The following JMJD1C variants were observed in gnomAD, a reference collection of about 807,000 sequenced individuals.
JMJD1C encodes jumonji domain containing 1C.
A neutral mutation model predicts 245.3 loss-of-function variants in JMJD1C; 31 were observed. The observed-to-expected ratio is 0.13, with a 90% CI of 0.09 to 0.17. The LOEUF is 0.17. Among genes scored for constraint, JMJD1C ranks in the 10% least tolerant of loss-of-function variants. The pLI, the probability that JMJD1C is intolerant of heterozygous loss-of-function variation, is 1.00. For synonymous variants in JMJD1C, 1,057 were observed against 1,017.4 expected (o/e 1.04, Z -0.74); for missense variants, 2,691 against 3,000.2 (o/e 0.90, Z 2.41).
At chr10:63,277,069 G>A (rs1856856737) in intron 2 of JMJD1C, among the ~76,000 whole-genome samples, 1 of 151,410 alleles carries the variant, frequency 6.6e-6, no homozygotes, top group South Asian at 2.1e-4. Flanking sequence ...TTTTAGTAGA[G>A]ACAGGGTTTC....
chr10:63,380,917 G>A (rs891366452), intron 1 of JMJD1C, among the ~76,000 whole-genome samples: 5 of 152,084 alleles, frequency 3.3e-5, no homozygotes, highest in Non-Finnish European at 7.4e-5. Flanking sequence ...CCCACTGCTG[G>A]GTAAATGTCC....
At chr10:63,313,560 C>T (rs1446867215) in intron 2 of JMJD1C, among the ~76,000 whole-genome samples, 2 of 152,196 alleles carry the variant, frequency 1.3e-5, no homozygotes, top group African/African-American at 2.4e-5. Flanking sequence ...TTCCCACCAG[C>T]GGTGTAAGAA....
chr10:63,349,465 A>T (rs772453650), intron 2 of JMJD1C, among the ~76,000 whole-genome samples: 28 of 152,246 alleles, frequency 1.8e-4, no homozygotes, highest in South Asian at 6.2e-4. Flanking sequence ...AGAAAGTAAA[A>T]AATATAAATA....
At chr10:63,211,464 C>CAA (rs71025124) in intron 8 of JMJD1C, among the ~76,000 whole-genome samples, 1 of 103,414 alleles carries the variant, frequency 9.7e-6, no homozygotes, top group South Asian at 3.2e-4. Flanking sequence ...GACTCCATCT[C>CAA]AAAAAAAAAA....
At chr10:63,324,849 C>A (rs1257872460) in intron 2 of JMJD1C, among the ~76,000 whole-genome samples, 1 of 152,136 alleles carries the variant, frequency 6.6e-6, no homozygotes, top group Non-Finnish European at 1.5e-5. Context: ...ATAGAAAAGA[C>A]AGAACTTGAA....
At chr10:63,265,600 T>C (rs1208803034) in intron 2 of JMJD1C, among the ~76,000 whole-genome samples, 1 of 152,162 alleles carries the variant, frequency 6.6e-6, no homozygotes, top group Non-Finnish European at 1.5e-5. Flanking sequence ...TTAAATAAAA[T>C]ACAAGTGTCT....
At chr10:63,195,716 C>G (rs934992584) in intron 13 of JMJD1C, among the ~76,000 whole-genome samples, 1 of 149,930 alleles carries the variant, frequency 6.7e-6, no homozygotes, top group East Asian at 2.0e-4. Context: ...TGAGGTGGGC[C>G]GATCACGAGG....
At chr10:63,393,754 T>G (rs540987439) in intron 1 of JMJD1C, among the ~76,000 whole-genome samples, 6 of 152,176 alleles carry the variant, frequency 3.9e-5, no homozygotes, top group Non-Finnish European at 5.9e-5. Context: ...AATGTGGAAT[T>G]TATATACAAA....
intron 1 of JMJD1C, among the ~76,000 whole-genome samples, chr10:63,413,667 T>C (rs1343912489): frequency 6.6e-6 from 1 of 152,212 alleles, no homozygotes; most frequent in Non-Finnish European, 1.5e-5. Context: ...AAAAGTATTT[T>C]TTTCCTTGAT....
At chr10:63,177,375 C>A in intron 23 of JMJD1C, 1 of 265,000 alleles carries the variant, frequency 3.8e-6, no homozygotes, top group Non-Finnish European at 7.2e-6. Context: ...CTTCTTTAGA[C>A]GTTTCCATGA....
intron 3 of JMJD1C, among the ~76,000 whole-genome samples, chr10:63,240,211 G>C (rs1035140890): frequency 1.3e-5 from 2 of 152,060 alleles, no homozygotes; most frequent in African/African-American, 4.8e-5. Context: ...GTGGAAATGT[G>C]ACACGGCTTA....
intron 1 of JMJD1C, among the ~76,000 whole-genome samples, chr10:63,439,029 C>T (rs541784093): frequency 6.6e-6 from 1 of 152,290 alleles, no homozygotes; most frequent in South Asian, 2.1e-4. Context: ...CTGATATGTA[C>T]AAGGCATGCA....
At chr10:63,295,877 C>CTA (rs1022887528) in intron 2 of JMJD1C, among the ~76,000 whole-genome samples, 1 of 149,024 alleles carries the variant, frequency 6.7e-6, no homozygotes, top group Non-Finnish European at 1.5e-5. Context: ...CTTAACCACA[C>CTA]TATATATATG....
chr10:63,381,156 T>C (rs867883187), intron 1 of JMJD1C, among the ~76,000 whole-genome samples: 1 of 152,184 alleles, frequency 6.6e-6, no homozygotes, highest in Non-Finnish European at 1.5e-5. Flanking sequence ...TTATATGAAG[T>C]AAGCCAGGTA....
chr10:63,168,569 A>ATC lies in JMJD1C; in HGVS notation c.7402-5_7402-4dup. Reference sequence around the variant, plus strand: ...ATACAGCTGTGAAAATTCTGAACCTATCCCCAAAAGAAAAACCGTGAAATA... The same window carrying ATC: ...ATACAGCTGTGAAAATTCTGAACCTATCTCCCCAAAAGAAAAACCGTGAAATA... On this transcript the variant is annotated splice_polypyrimidine_tract_variant and splice_region_variant and intron_variant, in intron 24 of 25. Transcript: ENST00000399262. 6.4e-7 allele frequency: 1 copy of ATC among 1,567,102 alleles called. No individual in the cohort carries two copies. The highest frequency in any genetic ancestry group is 8.6e-7 in the Non-Finnish European group (1 of 1,163,128).
chr10:63,464,788 GA>G (rs1446121592), intron 1 of JMJD1C, among the ~76,000 whole-genome samples: 1 of 151,796 alleles, frequency 6.6e-6, no homozygotes, highest in Non-Finnish European at 1.5e-5. Context: ...ATAAAACCCA[GA>G]AACAGCTTGA....
At chr10:63,390,650 T>C (rs918437709) in intron 1 of JMJD1C, among the ~76,000 whole-genome samples, 6 of 152,080 alleles carry the variant, frequency 3.9e-5, no homozygotes, top group African/African-American at 1.4e-4. Flanking sequence ...CTTATCAAAA[T>C]AGAAAACCAA....
chr10:63,297,519 A>AC (rs1859591351), intron 2 of JMJD1C, among the ~76,000 whole-genome samples: 1 of 152,162 alleles, frequency 6.6e-6, no homozygotes. Flanking sequence ...CTCTGGACCC[A>AC]CCAAATGGCA....
chr10:63,482,691 G>A (rs777984927), intron 1 of JMJD1C, among the ~76,000 whole-genome samples: 18 of 152,082 alleles, frequency 1.2e-4, no homozygotes, highest in Non-Finnish European at 2.4e-4. Flanking sequence ...TACATTGCCT[G>A]ACTTCTAATC....
Sources: gnomAD v4.1 joint callset for allele counts (sites outside exome capture counted in the v4.1 genomes callset) on GRCh38, gnomAD v4.1.1 for gene constraint, MANE v1.5 for transcripts, NCBI Gene and HGNC (gene_info 2026-07-23, HGNC 2026-07-21) for gene names.